The following GRIK2 variants were observed in gnomAD, a reference collection of about 807,000 sequenced individuals.
GRIK2 encodes the protein glutamate receptor ionotropic, kainate 2.
Under a neutral mutation model 100.3 loss-of-function variants are expected in GRIK2, and 32 were observed. The observed-to-expected ratio is 0.32, with a 90% CI of 0.24 to 0.43. GRIK2 has a LOEUF of 0.43. GRIK2 is among the 20% of genes least tolerant of loss of function. The pLI is 1.00. For synonymous variants in GRIK2, 417 were observed against 389.4 expected (o/e 1.07, Z -0.83); for missense variants, 843 against 1,114.9 (o/e 0.76, Z 3.47).
At chr6:101,542,280 TA>T in intron 2 of GRIK2, among the ~76,000 whole-genome samples, 2 of 152,186 alleles carry the variant, frequency 1.3e-5, no homozygotes, top group South Asian at 2.1e-4. Context: ...CAAATGCTGT[TA>T]ATGAGGCTGA....
intron 7 of GRIK2, among the ~76,000 whole-genome samples, chr6:101,786,025 C>A (rs1779400980): frequency 6.6e-6 from 1 of 151,924 alleles, no homozygotes; most frequent in Non-Finnish European, 1.5e-5. Context: ...TTGTAGAGTT[C>A]CTCATCTCCT....
At chr6:101,605,579 T>TA (rs758323870) in intron 2 of GRIK2, among the ~76,000 whole-genome samples, 1 of 152,076 alleles carries the variant, frequency 6.6e-6, no homozygotes, top group Non-Finnish European at 1.5e-5. Flanking sequence ...ATCTGATTTT[T>TA]AAAATCTTTA....
chr6:101,536,126 TAAA>T (rs1478903678), intron 2 of GRIK2, among the ~76,000 whole-genome samples: 1 of 151,668 alleles, frequency 6.6e-6, no homozygotes, highest in Non-Finnish European at 1.5e-5. Context: ...TTTGAAAGGA[TAAA>T]AAAGTTTTTT....
At chr6:101,935,499 A>G (rs1353962027) in intron 14 of GRIK2, among the ~76,000 whole-genome samples, 22 of 151,962 alleles carry the variant, frequency 1.4e-4, no homozygotes, top group Admixed American at 1.4e-3. Context: ...GATTGAAAGC[A>G]TAAAGGTCCA....
chr6:101,900,570 G>A (rs180711152), intron 12 of GRIK2, among the ~76,000 whole-genome samples: 1 of 152,134 alleles, frequency 6.6e-6, no homozygotes, highest in Non-Finnish European at 1.5e-5. Flanking sequence ...TGTATAGAAT[G>A]CATATATATA....
intron 14 of GRIK2, among the ~76,000 whole-genome samples, chr6:101,952,570 T>C (rs1230484967): frequency 6.6e-6 from 1 of 152,170 alleles, no homozygotes; most frequent in Admixed American, 6.5e-5. Flanking sequence ...AGTTCAAGAA[T>C]TTTTAGTATA....
intron 2 of GRIK2, among the ~76,000 whole-genome samples, chr6:101,429,307 A>G (rs1289866244): frequency 6.6e-6 from 1 of 152,214 alleles, no homozygotes; most frequent in Non-Finnish European, 1.5e-5. Context: ...ACATAGGACT[A>G]GGAGACATGA....
chr6:101,462,836 G>A (rs1771402717), intron 2 of GRIK2, among the ~76,000 whole-genome samples: 1 of 152,188 alleles, frequency 6.6e-6, no homozygotes, highest in Non-Finnish European at 1.5e-5. Context: ...ACTGGGTCGA[G>A]GGTGGGGTTT....
At chr6:101,739,715 G>C (rs998814027) in intron 7 of GRIK2, among the ~76,000 whole-genome samples, 1 of 152,080 alleles carries the variant, frequency 6.6e-6, no homozygotes, top group African/African-American at 2.4e-5. Flanking sequence ...CCACAATTGT[G>C]ACTGTTTCCA....
chr6:101,550,722 A>G (rs1394274913), intron 2 of GRIK2, among the ~76,000 whole-genome samples: 1 of 152,192 alleles, frequency 6.6e-6, no homozygotes, highest in African/African-American at 2.4e-5. Flanking sequence ...AGTGAATAGC[A>G]TGTGCCTGCA....
intron 14 of GRIK2, among the ~76,000 whole-genome samples, chr6:102,003,071 T>A (rs1199404196): frequency 6.6e-6 from 1 of 151,696 alleles, no homozygotes; most frequent in African/African-American, 2.4e-5. Context: ...CTTATAGATT[T>A]CAGAAACCTA....
intron 16 of GRIK2, among the ~76,000 whole-genome samples, chr6:102,058,623 A>G (rs955875833): frequency 1.3e-5 from 2 of 151,552 alleles, no homozygotes; most frequent in East Asian, 1.9e-4. Context: ...TACTTAATTT[A>G]TTAAAATTAG....
chr6:101,400,519 A>C (rs1327663210), intron 2 of GRIK2, among the ~76,000 whole-genome samples: 1 of 152,240 alleles, frequency 6.6e-6, no homozygotes, highest in African/African-American at 2.4e-5. Context: ...GATTCAGACC[A>C]AAGAGTGCAG....
intron 2 of GRIK2, among the ~76,000 whole-genome samples, chr6:101,461,139 A>G (rs1771287501): frequency 6.6e-6 from 1 of 152,190 alleles, no homozygotes; most frequent in Admixed American, 6.5e-5. Context: ...CCATGTGGAC[A>G]TTTACAAATG....
At chr6:102,030,631 C>G (rs910967296) in intron 14 of GRIK2, among the ~76,000 whole-genome samples, 1 of 151,170 alleles carries the variant, frequency 6.6e-6, no homozygotes, top group African/African-American at 2.4e-5. Flanking sequence ...CCTCACTCAA[C>G]TTTCTCTTGC....
At chr6:101,733,320 A>G (rs567939833) in intron 7 of GRIK2, among the ~76,000 whole-genome samples, 144 of 152,250 alleles carry the variant, frequency 9.5e-4, no homozygotes, top group African/African-American at 3.1e-3. Flanking sequence ...TCAGAATACA[A>G]TGGTGGAACA....
At chr6:101,744,888 T>G (rs1583061977) in intron 7 of GRIK2, 1 of 151,988 alleles carries the variant, frequency 6.6e-6, no homozygotes, top group East Asian at 1.9e-4. Flanking sequence ...GCCCACAGTT[T>G]CTTAATCCAT....
chr6:101,804,331 T>C (rs1349611931), intron 9 of GRIK2, among the ~76,000 whole-genome samples: 1 of 152,000 alleles, frequency 6.6e-6, no homozygotes, highest in African/African-American at 2.4e-5. Context: ...ATAGATACCA[T>C]GTCCAAGATA....
At chr6:101,408,375 T>TGAGA (rs3058218) in intron 2 of GRIK2, among the ~76,000 whole-genome samples, 11 of 148,112 alleles carry the variant, frequency 7.4e-5, no homozygotes, top group East Asian at 6.0e-4. Context: ...AGGGAGGAAG[T>TGAGA]GAGAGAGAGA....
Sources: allele counts gnomAD v4.1 joint callset (sites outside exome capture counted in the v4.1 genomes callset), GRCh38; gene constraint gnomAD v4.1.1; transcripts MANE v1.5; gene names NCBI Gene and HGNC (gene_info 2026-07-23, HGNC 2026-07-21).